Variants in MORN4 observed in about 807,000 individuals in gnomAD.
MORN4 encodes the protein MORN repeat-containing protein 4.
In MORN4, 8 loss-of-function variants were observed where a neutral mutation model predicts 16.4. The ratio of observed to expected loss-of-function variants is 0.49; its 90% CI spans 0.29 to 0.88. The LOEUF is 0.88. Ranked by LOEUF, MORN4 falls within the 40% of genes least tolerant of loss-of-function variation. MORN4 has a pLI of 0.09. For missense variants in MORN4, 159 were observed against 182.9 expected (o/e 0.87, Z 0.75); for synonymous variants, 53 against 68.9 (o/e 0.77, Z 1.14).
intron 1 of MORN4, among the ~76,000 whole-genome samples, chr10:97,632,312 A>G (rs568206406): frequency 6.9e-4 from 90 of 131,120 alleles, no homozygotes; most frequent in African/African-American, 2.5e-3. Context: ...GCCGCCTCCC[A>G]GGTTCAAGCA....
intron 1 of MORN4, among the ~76,000 whole-genome samples, chr10:97,623,189 C>A (rs150135710): frequency 1.3e-5 from 2 of 152,126 alleles, no homozygotes; most frequent in African/African-American, 4.8e-5. Flanking sequence ...TTAATAAGCA[C>A]ATCATTAGAT....
chr10:97,619,796 C>A, intron 1 of MORN4, 113 bp from the exon 2 acceptor site: 1 of 751,054 alleles, frequency 1.3e-6, no homozygotes. Context: ...GTGTACACTG[C>A]CTTAGGTGCA....
intron 2 of MORN4, among the ~76,000 whole-genome samples, chr10:97,618,350 C>T (rs925657984): frequency 2.0e-5 from 3 of 147,030 alleles, no homozygotes; most frequent in Non-Finnish European, 3.0e-5. Context: ...CTGTAACCTC[C>T]GCCTCCTGGT....
rs951438932 is a variant in MORN4, at chr10:97,633,049, C to T, written c.-31+298G>A. On this transcript the variant is annotated intron_variant, in intron 1 of 4. Coordinates refer to ENST00000307450, the MANE Select transcript of MORN4 (RefSeq NM_178832.4). This position sits in a 1 kb window ranked among gnomAD's most constrained non-coding sequence, Gnocchi z 4.5. The stretch of plus-strand genomic sequence containing the variant: ...TCCAGGCGCGTTCCTTCCTGCTATC[C>T]GGGCCCGCTCTCCCGCCCGGCAGGG... 6.6e-6 allele frequency among the ~76,000 whole-genome samples: 1 copy of T among 152,184 alleles called. No individual in the cohort carries two copies. The highest frequency in any genetic ancestry group is 1.5e-5 in the Non-Finnish European group (1 of 68,036).
At chr10:97,632,224 T>G (rs1249487332) in intron 1 of MORN4, among the ~76,000 whole-genome samples, 2 of 142,022 alleles carry the variant, frequency 1.4e-5, no homozygotes, top group East Asian at 4.0e-4. Flanking sequence ...TTTTTTTTTT[T>G]TTTTTTTTTT....
chr10:97,622,950 T>C (rs2041316503), intron 1 of MORN4, among the ~76,000 whole-genome samples: 2 of 151,498 alleles, frequency 1.3e-5, no homozygotes, highest in Non-Finnish European at 2.9e-5. Context: ...GGTGGCACGA[T>C]CATAGCTCAC....
intron 1 of MORN4, among the ~76,000 whole-genome samples, chr10:97,628,117 A>G (rs919410806): frequency 2.0e-5 from 3 of 152,226 alleles, no homozygotes; most frequent in Admixed American, 2.0e-4. Context: ...TTGAAGTTTC[A>G]TTCCTTCAAA....
At chr10:97,626,058 C>G (rs948409675) in intron 1 of MORN4, among the ~76,000 whole-genome samples, 1 of 149,140 alleles carries the variant, frequency 6.7e-6, no homozygotes, top group Non-Finnish European at 1.5e-5. Context: ...CCACACCCAG[C>G]CTCATGCCTT....
chr10:97,631,415 A>G (rs2041394516), intron 1 of MORN4, among the ~76,000 whole-genome samples: 1 of 152,192 alleles, frequency 6.6e-6, no homozygotes, highest in Non-Finnish European at 1.5e-5. Context: ...TCTGCACTAT[A>G]TACCATATTC....
At chr10:97,616,894 C>A in intron 3 of MORN4, 107 bp from the exon 4 acceptor site, 1 of 796,878 alleles carries the variant, frequency 1.3e-6, no homozygotes, top group South Asian at 1.5e-5. Context: ...AGGAGCAAGC[C>A]GATTCTACCA....
chr10:97,627,895 T>A (rs2041361848), intron 1 of MORN4, among the ~76,000 whole-genome samples: 1 of 152,202 alleles, frequency 6.6e-6, no homozygotes, highest in Non-Finnish European at 1.5e-5. Context: ...AATTTCAGGC[T>A]CACAAGCCTC....
Position 97,617,254 on chromosome 10 carries a change from C to T in MORN4, c.136G>A (p.Gly46Arg). The T allele has an allele frequency of 6.2e-7, 1 of 1,614,126 alleles. No homozygotes were observed. The highest frequency in any genetic ancestry group is 1.1e-5 in the South Asian group (1 of 91,074). Residue 46 changes from glycine to arginine, a missense_variant, in exon 3 of 5, where the codon GGG (glycine) becomes AGG (arginine). Physicochemically the swap from Gly to Arg is moderately radical, Grantham distance 125. Coordinates refer to ENST00000307450, the MANE Select transcript of MORN4 (RefSeq NM_178832.4). The part of the protein sequence containing the change: ...GGTYLGHFEN[G>R]LFNGFGVLTF... ...AATACCCCAAAGCCATTAAAGAGCCCATTCTCAAAATGACCCAGGTAGGTG... is the reference window on the plus strand; with the variant it reads ...AATACCCCAAAGCCATTAAAGAGCCTATTCTCAAAATGACCCAGGTAGGTG...
At chr10:97,620,907 G>T (rs1367395724) in intron 1 of MORN4, among the ~76,000 whole-genome samples, 1 of 152,130 alleles carries the variant, frequency 6.6e-6, no homozygotes, top group Non-Finnish European at 1.5e-5. Context: ...CGGATCACGA[G>T]GTCAGGAGTT....
chr10:97,628,439 A>G (rs546472258), intron 1 of MORN4, among the ~76,000 whole-genome samples: 1 of 152,336 alleles, frequency 6.6e-6, no homozygotes, highest in Admixed American at 6.5e-5. Context: ...AAGGAACAGT[A>G]TAAGATTGCT....
chr10:97,629,964 T>A (rs1203576810), intron 1 of MORN4, among the ~76,000 whole-genome samples: 8 of 145,832 alleles, frequency 5.5e-5, no homozygotes, highest in African/African-American at 7.8e-5. Context: ...TCTTGCTGTC[T>A]CCCAGGCTGG....
At chr10:97,632,373 C>T (rs1276207212) in intron 1 of MORN4, among the ~76,000 whole-genome samples, 1 of 151,944 alleles carries the variant, frequency 6.6e-6, no homozygotes, top group African/African-American at 2.4e-5. Context: ...CACGTGCCAC[C>T]ATGCTTGGCT....
intron 1 of MORN4, among the ~76,000 whole-genome samples, chr10:97,623,228 T>C (rs2041319391): frequency 6.6e-6 from 1 of 152,200 alleles, no homozygotes; most frequent in Non-Finnish European, 1.5e-5. Context: ...GGCCTACTGC[T>C]ACAATAAATG....
intron 1 of MORN4, among the ~76,000 whole-genome samples, chr10:97,630,999 T>C (rs991616128): frequency 4.6e-5 from 7 of 152,154 alleles, no homozygotes; most frequent in African/African-American, 1.7e-4. Flanking sequence ...TACAGGAGCA[T>C]GCCACGACAC....
At chr10:97,620,458 C>T (rs1417209675) in intron 1 of MORN4, among the ~76,000 whole-genome samples, 1 of 134,142 alleles carries the variant, frequency 7.5e-6, no homozygotes, top group African/African-American at 2.9e-5. Context: ...ACTGTTACTC[C>T]AGCCTGGGTG....
Sources: gnomAD v4.1 joint callset for allele counts (sites outside exome capture counted in the v4.1 genomes callset) on GRCh38, gnomAD v4.1.1 for gene constraint, Gnocchi (gnomAD v3.1) non-coding constraint, MANE v1.5 for transcripts, NCBI Gene and HGNC (gene_info 2026-07-23, HGNC 2026-07-21) for gene names.